MEAK7: variants seen among roughly 807,000 people sequenced by gnomAD.
MEAK7 encodes the protein MTOR-associated protein MEAK7.
MEAK7 carries 68 observed loss-of-function variants against 40.5 expected under a neutral mutation model. The observed-to-expected ratio is 1.68, with a 90% CI of 1.38 to 2.06. The LOEUF (loss-of-function observed/expected upper bound fraction) is 2.06, where lower values mean the gene tolerates loss of function less well. Among genes scored for constraint, MEAK7 ranks in the 30% most tolerant of loss-of-function variants. The probability of loss-of-function intolerance (pLI) is 0.00; values close to 1 mark genes in which losing one functional copy is unlikely to be tolerated. For missense variants in MEAK7, 918 were observed against 580.5 expected (o/e 1.58, Z -5.98); for synonymous variants, 338 against 231.9 (o/e 1.46, Z -4.16).
At chr16:84,503,531 A>T (rs889755052) in intron 1 of MEAK7, among the ~76,000 whole-genome samples, 1 of 152,174 alleles carries the variant, frequency 6.6e-6, no homozygotes, top group Non-Finnish European at 1.5e-5. Flanking sequence ...ACCCATTGCA[A>T]TGGTCTTCAA....
chr16:84,495,519 C>A (rs1415977486), intron 3 of MEAK7, 164 bp downstream of exon 3: 2 of 656,270 alleles, frequency 3.0e-6, no homozygotes, highest in Admixed American at 5.6e-5. Flanking sequence ...GCCTCTCTCC[C>A]AGACATGCCC....
In MEAK7 at chr16:84,480,553, A is replaced by T. The variant is rs1417143529; in HGVS notation, c.1233T>A (p.Val411=). The T allele has an allele frequency of 6.2e-7, 1 of 1,612,772 alleles. No individual in the cohort carries two copies. Among genetic ancestry groups the T allele is most frequent in the Non-Finnish European group, 8.5e-7 (1 of 1,179,398 alleles). ...CCAACTGCTCCTCTGAGGGGTCTCCAACCGCCCACACCTCCATCTTATCAA... is the reference window on the plus strand; with the variant it reads ...CCAACTGCTCCTCTGAGGGGTCTCCTACCGCCCACACCTCCATCTTATCAA... The part of the protein sequence containing the change: ...FQFDKMEVWA[V]GDPSEEQLAK... The change falls in exon 7 of 8, where the codon GTT becomes GTA. Residue 411 remains valine, a synonymous_variant. Coordinates refer to ENST00000343629, the MANE Select transcript of MEAK7 (RefSeq NM_020947.4).
At chr16:84,493,787 C>T (rs1209281801) in intron 3 of MEAK7, among the ~76,000 whole-genome samples, 5 of 152,158 alleles carry the variant, frequency 3.3e-5, no homozygotes, top group Non-Finnish European at 7.3e-5. Context: ...TTGACTGGAA[C>T]AGCATTTTCA....
At chr16:84,492,461 A>G (rs1370769879) in intron 3 of MEAK7, among the ~76,000 whole-genome samples, 1 of 152,140 alleles carries the variant, frequency 6.6e-6, no homozygotes, top group Non-Finnish European at 1.5e-5. Flanking sequence ...CTCTCTCAAA[A>G]AAATAAAGGT....
At chr16:84,483,358 G>T (rs561849780) in intron 5 of MEAK7, among the ~76,000 whole-genome samples, 1 of 152,238 alleles carries the variant, frequency 6.6e-6, no homozygotes. Flanking sequence ...GGACAGGGCC[G>T]TAGGCCAGGC....
chr16:84,480,526 C>G lies in MEAK7; in HGVS notation c.1257+3G>C. On this transcript the variant is annotated splice_donor_region_variant and intron_variant, in intron 7 of 7. Transcript: ENST00000343629. ...CTGGGATGCAGAGGACAGCTCCACT[C>G]ACCAACTGCTCCTCTGAGGGGTCTC... 1 of 1,604,746 alleles carries G rather than the reference C, an allele frequency of 6.2e-7. No homozygotes were observed. Among genetic ancestry groups the G allele is most frequent in the East Asian group, 2.2e-5 (1 of 44,706 alleles).
At chr16:84,481,989 G>A (rs938151837) in intron 6 of MEAK7, among the ~76,000 whole-genome samples, 12 of 152,288 alleles carry the variant, frequency 7.9e-5, no homozygotes, top group African/African-American at 2.9e-4. Context: ...AAAGAAATCA[G>A]CAGGGGAGCT....
chr16:84,494,499 T>C (rs996312180), intron 3 of MEAK7, among the ~76,000 whole-genome samples: 13 of 152,192 alleles, frequency 8.5e-5, no homozygotes, highest in African/African-American at 3.1e-4. Flanking sequence ...TTCTTAAAGC[T>C]CTGAGAACTA....
At chr16:84,494,238 G>C (rs988000311) in intron 3 of MEAK7, among the ~76,000 whole-genome samples, 11 of 152,114 alleles carry the variant, frequency 7.2e-5, no homozygotes, top group African/African-American at 2.4e-4. Flanking sequence ...GTCCTACTAT[G>C]ATTTTGTCTT....
intron 3 of MEAK7, among the ~76,000 whole-genome samples, chr16:84,495,354 A>T (rs1913950728): frequency 6.6e-6 from 1 of 152,216 alleles, no homozygotes; most frequent in African/African-American, 2.4e-5. Flanking sequence ...ACTGAGTGCA[A>T]GACAAACACA....
Position 84,476,551 on chromosome 16 carries a change from A to G in MEAK7, c.*3362T>C, listed in dbSNP as rs1369269298. 6.6e-6 allele frequency: 1 copy of G among 152,154 alleles called. No individual in the cohort carries two copies. Among genetic ancestry groups the G allele is most frequent in the Non-Finnish European group, 1.5e-5 (1 of 68,020 alleles). The allele number at this position is 152,154 out of a possible 1,614,324, so 9.4% of individuals were successfully genotyped here. A position where few individuals can be genotyped will look rare whatever the true frequency, so the allele number is the denominator to read the frequency against. ...GACACCATCACAGCAAGGCACACAT[A>G]AACGATATTCATGACAATGATTAGC... On this transcript the variant is annotated 3_prime_UTR_variant, in exon 8 of 8. Transcript: ENST00000343629.
intron 7 of MEAK7, 52 bp downstream of exon 7, chr16:84,480,477 G>A (rs1567484583): frequency 1.3e-6 from 2 of 1,517,984 alleles, no homozygotes; most frequent in East Asian, 4.7e-5. Flanking sequence ...AATGCAGAAA[G>A]GCCCCCAGGC....
In MEAK7 at chr16:84,480,056, T is replaced by G. The variant is rs756319980; in HGVS notation, c.1258-30A>C. The G allele has an allele frequency of 2.0e-6, 3 of 1,534,552 alleles. No individual in the cohort carries two copies. In the East Asian group the frequency reaches 7.0e-5, roughly 36 times the overall value. ...AGAAGAGAAGAAAGGGTGGGTGTGT[T>G]CCATGATGGCCCAACAAGAGGCAGC... On this transcript the variant is annotated intron_variant, in intron 7 of 7. Transcript: ENST00000343629.
chr16:84,497,497 G>C, intron 2 of MEAK7: 1 of 1,290,264 alleles, frequency 7.8e-7, no homozygotes, highest in Non-Finnish European at 1.0e-6. Context: ...CCATCACCGC[G>C]TCTGTCTCCC....
intron 1 of MEAK7, chr16:84,502,867 C>T (rs1304967619): frequency 1.3e-5 from 2 of 152,186 alleles, no homozygotes; most frequent in African/African-American, 2.4e-5. Context: ...AAGACTCTGT[C>T]TCATAAAAAC....
intron 1 of MEAK7, among the ~76,000 whole-genome samples, chr16:84,498,781 T>G (rs1403935618): frequency 6.6e-6 from 1 of 151,972 alleles, no homozygotes; most frequent in African/African-American, 2.4e-5. Flanking sequence ...AAAACCAGAG[T>G]TAGAAAATAT....
intron 5 of MEAK7, among the ~76,000 whole-genome samples, chr16:84,485,221 G>A (rs935082164): frequency 1.3e-5 from 2 of 152,198 alleles, no homozygotes; most frequent in Admixed American, 6.5e-5. Context: ...CTGCAGGGCC[G>A]GCCCTGGGCT....
intron 3 of MEAK7, among the ~76,000 whole-genome samples, chr16:84,491,116 G>A (rs979156322): frequency 6.6e-6 from 1 of 152,226 alleles, no homozygotes; most frequent in African/African-American, 2.4e-5. Flanking sequence ...ACAGAAAAAA[G>A]GGAGACAATT....
chr16:84,502,694 G>C (rs1179806484), intron 1 of MEAK7: 1 of 152,144 alleles, frequency 6.6e-6, no homozygotes, highest in East Asian at 1.9e-4. Flanking sequence ...AACATAGTGA[G>C]ACTTCGTCTC....
Sources: gnomAD v4.1 joint callset for allele counts (sites outside exome capture counted in the v4.1 genomes callset) on GRCh38, gnomAD v4.1.1 for gene constraint, MANE v1.5 for transcripts, NCBI Gene and HGNC (gene_info 2026-07-23, HGNC 2026-07-21) for gene names.